PRKCA: variants seen among roughly 807,000 people sequenced by gnomAD.
The protein encoded by PRKCA is protein kinase C alpha.
Under a neutral mutation model 87.0 loss-of-function variants are expected in PRKCA, and 27 were observed. The ratio of observed to expected loss-of-function variants is 0.31; its 90% CI spans 0.23 to 0.43. The LOEUF (loss-of-function observed/expected upper bound fraction) is 0.43, where lower values mean the gene tolerates loss of function less well. Among genes scored for constraint, PRKCA ranks in the 20% least tolerant of loss-of-function variants. The pLI is 1.00. For synonymous variants in PRKCA, 329 were observed against 311.1 expected, an observed-to-expected ratio of 1.06 and a Z score of -0.61; for missense variants, 518 against 852.3, an observed-to-expected ratio of 0.61 and a Z score of 4.88.
chr17:66,558,633 A>C (rs999536304), intron 3 of PRKCA, among the ~76,000 whole-genome samples: 1 of 152,136 alleles, frequency 6.6e-6, no homozygotes, highest in Non-Finnish European at 1.5e-5. Flanking sequence ...TTAGGCTAAG[A>C]GTGAGATCAT....
intron 2 of PRKCA, among the ~76,000 whole-genome samples, chr17:66,493,735 C>T (rs1333497399): frequency 6.6e-6 from 1 of 152,132 alleles, no homozygotes; most frequent in African/African-American, 2.4e-5. Flanking sequence ...CCCAGTACAA[C>T]AACAGCAACA....
At chr17:66,675,652 C>T (rs748382103) in intron 5 of PRKCA, among the ~76,000 whole-genome samples, 3 of 152,104 alleles carry the variant, frequency 2.0e-5, no homozygotes, top group Non-Finnish European at 4.4e-5. Flanking sequence ...AATGCCCAGC[C>T]CAGAGGCCCA....
intron 2 of PRKCA, among the ~76,000 whole-genome samples, chr17:66,414,630 TG>T (rs769318702): frequency 2.0e-5 from 3 of 152,238 alleles, no homozygotes; most frequent in Non-Finnish European, 4.4e-5. Context: ...TTGTCTTATA[TG>T]GTATGACCAG....
At position 66,341,794 on chromosome 17, in the gene PRKCA, T is replaced by A. The variant is rs1338998764; in HGVS notation, c.205+35667T>A. ...ACTGTTTCTCTTTCATTTATGTGAA[T>A]AAACATGTATTTTGCATGTTACTGT... is the stretch of plus-strand genomic sequence containing the variant. On this transcript the variant is annotated intron_variant, in intron 2 of 16. Coordinates refer to ENST00000413366, the MANE Select transcript of PRKCA (RefSeq NM_002737.3). 2.6e-5 allele frequency among the ~76,000 whole-genome samples: 4 copies of A among 152,372 alleles called. No homozygotes were observed. The East Asian group carries it at 5.8e-4, about 22-fold the overall frequency.
chr17:66,778,194 A>C (rs1208600342), intron 14 of PRKCA: 1 of 985,160 alleles, frequency 1.0e-6, no homozygotes, highest in Non-Finnish European at 1.2e-6. Flanking sequence ...TTATATGCAT[A>C]CTTTCAGGTC....
chr17:66,491,306 A>AC (rs11387606), intron 2 of PRKCA, among the ~76,000 whole-genome samples: 152,364 of 152,364 alleles, frequency 1, 76,182 homozygotes, highest in Non-Finnish European at 1. Flanking sequence ...ACCAGAGGTG[A>AC]CCAAAGTCTT....
intron 3 of PRKCA, among the ~76,000 whole-genome samples, chr17:66,518,553 A>G (rs189044771): frequency 6.6e-6 from 1 of 152,280 alleles, no homozygotes; most frequent in Admixed American, 6.5e-5. Flanking sequence ...GGTTTGTTCT[A>G]TTTTTACGAG....
intron 3 of PRKCA, among the ~76,000 whole-genome samples, chr17:66,602,869 G>T (rs1160214296): frequency 2.0e-5 from 3 of 152,188 alleles, no homozygotes; most frequent in Non-Finnish European, 4.4e-5. Context: ...GCTGTCTGCA[G>T]TGGGAAGGAG....
intron 16 of PRKCA, chr17:66,796,684 C>A (rs1186255824): frequency 1.0e-6 from 1 of 985,214 alleles, no homozygotes; most frequent in Non-Finnish European, 1.2e-6. Context: ...TGGACATTAC[C>A]TCCCAGGAAG....
At chr17:66,787,636 A>G (rs1431575141) in intron 15 of PRKCA, among the ~76,000 whole-genome samples, 8 of 152,164 alleles carry the variant, frequency 5.3e-5, no homozygotes, top group Non-Finnish European at 8.8e-5. Flanking sequence ...GAATCCACCC[A>G]TGTAATTGCA....
intron 2 of PRKCA, among the ~76,000 whole-genome samples, chr17:66,481,140 A>T (rs757323602): frequency 6.6e-6 from 1 of 152,016 alleles, no homozygotes; most frequent in Non-Finnish European, 1.5e-5. Flanking sequence ...GCTGAGGGCT[A>T]TTCCCCAGGC....
intron 2 of PRKCA, among the ~76,000 whole-genome samples, chr17:66,336,634 T>TTATATAGCAAATTATTAAACATTTGCC (rs1906680427): frequency 7.0e-6 from 1 of 142,626 alleles, no homozygotes; most frequent in African/African-American, 2.6e-5. Flanking sequence ...AAAGTACCTG[T>TTATATAGCAAATTATTAAACATTTGCC]TATATAGTAA....
rs1555623421 is a variant in PRKCA, at chr17:66,587,865, A to AGG, written c.289-53490_289-53489insGG. Among the ~76,000 whole-genome samples, 19 of 56,548 alleles carry AGG rather than the reference A, an allele frequency of 3.4e-4. 2 individuals carry two copies. The highest frequency in any genetic ancestry group is 1.1e-3 in the African/African-American group (18 of 17,088). The allele number at this position is 56,548 out of a possible 152,430, so 37.1% of individuals were successfully genotyped here. Reference sequence around the variant, plus strand: ...TGTATCTACATATACATATATACATATGTATGTGTGTGTGTGTGTGTGTGT... The same window carrying AGG: ...TGTATCTACATATACATATATACATAGGTGTATGTGTGTGTGTGTGTGTGTGT... On this transcript the variant is annotated intron_variant, in intron 3 of 16. Coordinates refer to ENST00000413366, the MANE Select transcript of PRKCA (RefSeq NM_002737.3).
At chr17:66,748,079 G>A (rs754808741) in intron 13 of PRKCA, among the ~76,000 whole-genome samples, 3 of 152,206 alleles carry the variant, frequency 2.0e-5, no homozygotes, top group Non-Finnish European at 2.9e-5. Flanking sequence ...CATCCAACAC[G>A]GTTGAAATTT....
Position 66,804,840 on chromosome 17 carries a change from G to A in PRKCA, c.*803G>A. ...TGTACATATGTTCATTTTAATCTCT[G>A]GGAGATTATTTTTCCATCCAGGGTG... On this transcript the variant is annotated 3_prime_UTR_variant, in exon 17 of 17. Transcript: ENST00000413366. The A allele has an allele frequency of 4.9e-6, 1 of 203,884 alleles. No homozygotes were observed. The highest frequency in any genetic ancestry group is 8.7e-6 in the Non-Finnish European group (1 of 115,108). The allele number at this position is 203,884 out of a possible 1,614,324, so 12.6% of individuals were successfully genotyped here. A position where few individuals can be genotyped will look rare whatever the true frequency, so the allele number is the denominator to read the frequency against.
intron 13 of PRKCA, among the ~76,000 whole-genome samples, chr17:66,759,260 G>A (rs1235759220): frequency 6.6e-6 from 1 of 151,956 alleles, no homozygotes; most frequent in African/African-American, 2.4e-5. Context: ...GGAGGCTGAG[G>A]CAGGAGAATG....
rs1049946378 is a variant in PRKCA at position 66,628,163 on chromosome 17, A to G, written c.289-13192A>G. Among the ~76,000 whole-genome samples the G allele has an allele frequency of 1.1e-4, 17 of 149,780 alleles. No homozygotes were observed. In the East Asian group the frequency reaches 3.4e-3, roughly 30 times the overall value. On this transcript the variant is annotated intron_variant, in intron 3 of 16. Coordinates refer to ENST00000413366, the MANE Select transcript of PRKCA (RefSeq NM_002737.3). ...CCACAAGCAGCTTGATCAAAAACAG[A>G]CCTCTGCCTCTCGGTGGATAGCTTT... is the stretch of plus-strand genomic sequence containing the variant.
At chr17:66,363,624 G>C (rs1908524210) in intron 2 of PRKCA, among the ~76,000 whole-genome samples, 4 of 152,224 alleles carry the variant, frequency 2.6e-5, no homozygotes, top group Non-Finnish European at 5.9e-5. Flanking sequence ...CAATTAAGGG[G>C]CATCTTCCAT....
At chr17:66,696,158 G>T (rs1049572421) in intron 8 of PRKCA, among the ~76,000 whole-genome samples, 2 of 152,188 alleles carry the variant, frequency 1.3e-5, no homozygotes, top group East Asian at 3.8e-4. Context: ...GCTGGGCATC[G>T]TATATTCCTT....
Sources: gnomAD v4.1 joint callset for allele counts (sites outside exome capture counted in the v4.1 genomes callset) on GRCh38, gnomAD v4.1.1 for gene constraint, MANE v1.5 for transcripts, NCBI Gene and HGNC (gene_info 2026-07-23, HGNC 2026-07-21) for gene names.